STAG1: variants seen among roughly 807,000 people sequenced by gnomAD.
STAG1 encodes the protein STAG1 cohesin complex component, also known as cohesin subunit SA-1.
Under a neutral mutation model 170.9 loss-of-function variants are expected in STAG1, and 26 were observed. The ratio of observed to expected loss-of-function variants is 0.15; its 90% confidence interval spans 0.11 to 0.21. STAG1 has a LOEUF of 0.21. STAG1 is among the 10% of genes least tolerant of loss of function. STAG1 has a pLI of 1.00. For missense variants in STAG1, 964 were observed against 1,509.5 expected (o/e 0.64, Z 5.99); for synonymous variants, 514 against 497.7 (o/e 1.03, Z -0.44).
At chr3:136,473,464 G>A (rs2089673676) in intron 11 of STAG1, 75 bp downstream of exon 11, 2 of 1,104,810 alleles carry the variant, frequency 1.8e-6, no homozygotes, top group Non-Finnish European at 2.7e-6. Context: ...GTATGATAAT[G>A]TAATTTGCTA....
At chr3:136,402,870 G>A (rs1238040855) in intron 21 of STAG1, among the ~76,000 whole-genome samples, 1 of 151,888 alleles carries the variant, frequency 6.6e-6, no homozygotes, top group African/African-American at 2.4e-5. Context: ...GATCACTCAA[G>A]CAAAAGATAC....
chr3:136,644,869 T>A (rs1268512864), intron 1 of STAG1, among the ~76,000 whole-genome samples: 1 of 152,042 alleles, frequency 6.6e-6, no homozygotes, highest in East Asian at 1.9e-4. Context: ...TATAGGCACC[T>A]GCCACCATGC....
intron 12 of STAG1, among the ~76,000 whole-genome samples, chr3:136,468,386 C>T (rs2089530254): frequency 6.6e-6 from 1 of 152,144 alleles, no homozygotes; most frequent in African/African-American, 2.4e-5. Flanking sequence ...CACCTCTACG[C>T]AAATAAACTA....
intron 6 of STAG1, among the ~76,000 whole-genome samples, chr3:136,532,327 T>C (rs1935414770): frequency 6.6e-6 from 1 of 152,174 alleles, no homozygotes; most frequent in South Asian, 2.1e-4. Context: ...TAGGTTCCTT[T>C]ATGTTGTTGT....
intron 1 of STAG1, among the ~76,000 whole-genome samples, chr3:136,663,346 C>T (rs562472058): frequency 1.7e-4 from 26 of 152,088 alleles, no homozygotes; most frequent in Non-Finnish European, 3.5e-4. Context: ...ATTACTATTC[C>T]TACTTTAGAA....
At chr3:136,580,957 C>CT (rs527297541) in intron 4 of STAG1, among the ~76,000 whole-genome samples, 109 of 151,774 alleles carry the variant, frequency 7.2e-4, no homozygotes, top group Non-Finnish European at 1.3e-3. Context: ...TTGTGCTTTT[C>CT]TTTTTTTTCA....
chr3:136,723,022 G>A (rs1181634291), intron 1 of STAG1, among the ~76,000 whole-genome samples: 5 of 152,196 alleles, frequency 3.3e-5, no homozygotes, highest in African/African-American at 1.2e-4. Context: ...GGAGTGCAGT[G>A]GCGTGATCTC....
chr3:136,704,756 G>A (rs1943176578), intron 1 of STAG1, among the ~76,000 whole-genome samples: 1 of 150,550 alleles, frequency 6.6e-6, no homozygotes, highest in Admixed American at 6.6e-5. Flanking sequence ...TTGAGCCTGG[G>A]GGGTTGCAGT....
intron 13 of STAG1, among the ~76,000 whole-genome samples, chr3:136,460,404 C>A (rs532317223): frequency 6.6e-6 from 1 of 152,132 alleles, no homozygotes; most frequent in Non-Finnish European, 1.5e-5. Flanking sequence ...GAGTTTGAGA[C>A]CAGCCTGGCC....
At chr3:136,741,635 A>G (rs1433392762) in intron 1 of STAG1, among the ~76,000 whole-genome samples, 3 of 151,970 alleles carry the variant, frequency 2.0e-5, no homozygotes, top group Admixed American at 6.6e-5. Flanking sequence ...TGCCCGGCTA[A>G]TTTTGTATTT....
chr3:136,647,758 G>A (rs1941083066), intron 1 of STAG1, among the ~76,000 whole-genome samples: 1 of 151,950 alleles, frequency 6.6e-6, no homozygotes, highest in Non-Finnish European at 1.5e-5. Flanking sequence ...ATACATGTTA[G>A]GCACTATACA....
chr3:136,479,248 C>A (rs1368191869), intron 9 of STAG1, among the ~76,000 whole-genome samples: 2 of 116,142 alleles, frequency 1.7e-5, no homozygotes, highest in Non-Finnish European at 3.5e-5. Flanking sequence ...CCACCACCGT[C>A]CCCAGAGTGT....
chr3:136,357,892 A>G lies in STAG1; in HGVS notation c.2937-44T>C, dbSNP rs111246511. ...TCAACTTATTTTTCCAGATAGTGTA[A>G]TTCTCTCAATTAGCTAACATTACAC... On this transcript the variant is annotated intron_variant, in intron 27 of 33. Coordinates refer to ENST00000383202, the MANE Select transcript of STAG1 (RefSeq NM_005862.3). 5.4e-4 allele frequency: 802 copies of G among 1,496,926 alleles called. 1 individual carries two copies. Among genetic ancestry groups the G allele is most frequent in the African/African-American group, 2.8e-3 (200 of 71,096 alleles). The allele number at this position is 1,496,926 out of a possible 1,614,324, so 92.7% of individuals were successfully genotyped here.
At chr3:136,553,685 A>C (rs1936497629) in intron 5 of STAG1, among the ~76,000 whole-genome samples, 1 of 152,230 alleles carries the variant, frequency 6.6e-6, no homozygotes. Flanking sequence ...GAGGCAGGGG[A>C]ATCGCTTGAA....
At chr3:136,391,110 G>A (rs984285769) in intron 22 of STAG1, among the ~76,000 whole-genome samples, 5 of 152,092 alleles carry the variant, frequency 3.3e-5, no homozygotes, top group Non-Finnish European at 7.4e-5. Flanking sequence ...AATAATAATT[G>A]GACTTGTAGC....
chr3:136,714,690 T>C (rs1028843181), intron 1 of STAG1, among the ~76,000 whole-genome samples: 6 of 151,818 alleles, frequency 4.0e-5, no homozygotes, highest in Admixed American at 1.3e-4. Flanking sequence ...ATCGTGCCAC[T>C]GCACTCCAGC....
intron 6 of STAG1, among the ~76,000 whole-genome samples, chr3:136,524,631 T>A (rs1441972810): frequency 6.6e-6 from 1 of 152,186 alleles, no homozygotes; most frequent in Non-Finnish European, 1.5e-5. Flanking sequence ...TCCAACACTA[T>A]GTTGAATAGG....
chr3:136,643,898 C>T (rs924438273), intron 1 of STAG1, among the ~76,000 whole-genome samples: 1 of 152,112 alleles, frequency 6.6e-6, no homozygotes, highest in Non-Finnish European at 1.5e-5. Context: ...ATTTACTAGA[C>T]CTACCAACCT....
chr3:136,612,629 A>C (rs111438693), intron 3 of STAG1, among the ~76,000 whole-genome samples: 1 of 152,238 alleles, frequency 6.6e-6, no homozygotes, highest in African/African-American at 2.4e-5. Context: ...GCAGTGAGCC[A>C]TGAACGTTCC....
Sources: allele counts gnomAD v4.1 joint callset (sites outside exome capture counted in the v4.1 genomes callset), GRCh38; gene constraint gnomAD v4.1.1; transcripts MANE v1.5; gene names NCBI Gene and HGNC (gene_info 2026-07-23, HGNC 2026-07-21).